Variants in CCNY observed in about 807,000 individuals in gnomAD.
CCNY encodes the protein cyclin-Y.
CCNY carries 19 observed loss-of-function variants against 42.8 expected under a neutral mutation model. The observed-to-expected ratio is 0.44, with a 90% CI of 0.31 to 0.65. The LOEUF is 0.65. CCNY is among the 30% of genes least tolerant of loss of function. The pLI is 0.07. For missense variants in CCNY, 370 were observed against 437.3 expected, an observed-to-expected ratio of 0.85 and a Z score of 1.37; for synonymous variants, 165 against 162.7, an observed-to-expected ratio of 1.01 and a Z score of -0.11.
chr10:35,457,757 G>A (rs1012891613), intron 1 of CCNY, among the ~76,000 whole-genome samples: 4 of 151,670 alleles, frequency 2.6e-5, no homozygotes, highest in Admixed American at 2.6e-4. Context: ...ATTTTTTTTT[G>A]TATTTTTAGT....
intron 7 of CCNY, among the ~76,000 whole-genome samples, chr10:35,541,187 A>G (rs542461465): frequency 3.3e-5 from 5 of 152,194 alleles, no homozygotes; most frequent in African/African-American, 9.6e-5. Flanking sequence ...TTGCTGGGTT[A>G]TACTTTCATT....
chr10:35,291,915 T>C (rs1453931565), intron 3 of CCNY, among the ~76,000 whole-genome samples: 1 of 152,222 alleles, frequency 6.6e-6, no homozygotes, highest in Non-Finnish European at 1.5e-5. Context: ...GCCATACATA[T>C]GATAACCCTA....
At chr10:35,350,133 T>C (rs1328931982) in intron 1 of CCNY, among the ~76,000 whole-genome samples, 1 of 152,200 alleles carries the variant, frequency 6.6e-6, no homozygotes, top group African/African-American at 2.4e-5. Flanking sequence ...CTAATGGTAC[T>C]GTTGACAGGA....
chr10:35,423,444 C>G (rs1470278475), intron 1 of CCNY, among the ~76,000 whole-genome samples: 1 of 150,794 alleles, frequency 6.6e-6, no homozygotes, highest in African/African-American at 2.4e-5. Context: ...CCAATGCACT[C>G]CAGCCTGAGT....
intron 5 of CCNY, among the ~76,000 whole-genome samples, chr10:35,528,324 T>C (rs1478406285): frequency 6.6e-6 from 1 of 152,226 alleles, no homozygotes; most frequent in Non-Finnish European, 1.5e-5. Flanking sequence ...AACCTTTCTT[T>C]CGCTTGGGTT....
chr10:35,386,627 G>A (rs537757680), intron 1 of CCNY, among the ~76,000 whole-genome samples: 1 of 152,218 alleles, frequency 6.6e-6, no homozygotes, highest in South Asian at 2.1e-4. Flanking sequence ...TCCACATGGT[G>A]GTGACTTGTG....
rs774204412 is a variant in CCNY at position 35,516,499 on chromosome 10, A to G, written c.265-24A>G. 2.0e-6 allele frequency: 3 copies of G among 1,537,742 alleles called. No homozygotes were observed. In the African/African-American group the frequency reaches 4.1e-5, roughly 21 times the overall value. On this transcript the variant is annotated intron_variant, in intron 3 of 9. Coordinates refer to ENST00000374704, the MANE Select transcript of CCNY (RefSeq NM_145012.6). ...ATTCTGAGCCCTGTGTAATTGCCTTAATCTTCTTGCTGTTGTTTTCTAGCA... is the reference window on the plus strand; with the variant it reads ...ATTCTGAGCCCTGTGTAATTGCCTTGATCTTCTTGCTGTTGTTTTCTAGCA...
intron 1 of CCNY, among the ~76,000 whole-genome samples, chr10:35,478,626 G>A (rs543246328): frequency 7.6e-4 from 116 of 152,230 alleles, no homozygotes; most frequent in African/African-American, 2.5e-3. Flanking sequence ...TACACCTTAT[G>A]CAAAAATCAA....
intron 7 of CCNY, among the ~76,000 whole-genome samples, chr10:35,532,063 T>A (rs1473415656): frequency 6.6e-6 from 1 of 152,228 alleles, no homozygotes; most frequent in African/African-American, 2.4e-5. Flanking sequence ...TATGGGGGTC[T>A]TGTTGGTTGC....
At chr10:35,534,995 ATATATGTG>A (rs1217821409) in intron 7 of CCNY, among the ~76,000 whole-genome samples, 3 of 53,072 alleles carry the variant, frequency 5.7e-5, no homozygotes, top group African/African-American at 1.8e-4. Flanking sequence ...ATAGATCTAT[ATATATGTG>A]TGTGTGTGTG....
intron 7 of CCNY, among the ~76,000 whole-genome samples, chr10:35,552,200 G>C (rs557895137): frequency 2.5e-4 from 38 of 152,258 alleles, no homozygotes; most frequent in African/African-American, 8.4e-4. Context: ...TAAAAAGGAA[G>C]TTCTGACCCA....
chr10:35,473,369 C>A (rs907275991), intron 1 of CCNY, among the ~76,000 whole-genome samples: 1 of 152,182 alleles, frequency 6.6e-6, no homozygotes, highest in Non-Finnish European at 1.5e-5. Flanking sequence ...TACAATGACA[C>A]CCAGTAGAGT....
At chr10:35,283,689 C>T (rs779261839) in intron 3 of CCNY, among the ~76,000 whole-genome samples, 11 of 152,184 alleles carry the variant, frequency 7.2e-5, no homozygotes, top group Non-Finnish European at 1.5e-4. Flanking sequence ...AGGCGTGAGC[C>T]ACTGCGCCCA....
chr10:35,370,759 A>T (rs886380538), intron 1 of CCNY, among the ~76,000 whole-genome samples: 2 of 151,482 alleles, frequency 1.3e-5, no homozygotes, highest in African/African-American at 2.4e-5. Flanking sequence ...ACTTTCGCCC[A>T]GGCTGGAGTG....
At chr10:35,332,757 A>G (rs1220889878), upstream of CCNY, among the ~76,000 whole-genome samples, 1 of 151,768 alleles carries the variant, frequency 6.6e-6, no homozygotes, top group African/African-American at 2.4e-5. Flanking sequence ...GGCGCCCACC[A>G]CCACGCCTGG....
intron 1 of CCNY, among the ~76,000 whole-genome samples, chr10:35,423,053 T>C (rs1283672842): frequency 6.6e-6 from 1 of 152,248 alleles, no homozygotes; most frequent in Admixed American, 6.5e-5. Context: ...GTGTTTTGTA[T>C]GCTGAACTCT....
chr10:35,511,360 A>G (rs2135402175), intron 3 of CCNY, among the ~76,000 whole-genome samples: 1 of 152,308 alleles, frequency 6.6e-6, no homozygotes, highest in East Asian at 1.9e-4. Flanking sequence ...GGTGCTGTGG[A>G]GGGTGAACAC....
chr10:35,503,921 T>A (rs2135393862), intron 3 of CCNY, among the ~76,000 whole-genome samples: 1 of 152,332 alleles, frequency 6.6e-6, no homozygotes, highest in East Asian at 1.9e-4. Flanking sequence ...GAGATAACAT[T>A]TATAATTAAA....
chr10:35,354,667 G>A (rs1836504821), intron 1 of CCNY, among the ~76,000 whole-genome samples: 1 of 152,198 alleles, frequency 6.6e-6, no homozygotes, highest in African/African-American at 2.4e-5. Context: ...TCTGTTCATT[G>A]TGTTTAACAG....
Sources: allele counts gnomAD v4.1 joint callset (sites outside exome capture counted in the v4.1 genomes callset), GRCh38; gene constraint gnomAD v4.1.1; transcripts MANE v1.5; gene names NCBI Gene and HGNC (gene_info 2026-07-23, HGNC 2026-07-21).